Variants in GPC5 observed in about 807,000 individuals in gnomAD.
GPC5 encodes the protein glypican-5.
A neutral mutation model predicts 53.9 loss-of-function variants in GPC5; 47 were observed. The observed-to-expected ratio is 0.87, with a 90% CI of 0.69 to 1.11. GPC5 has a LOEUF of 1.11. Among genes scored for constraint, GPC5 ranks in the 50% most tolerant of loss-of-function variants. The pLI, the probability that GPC5 is intolerant of heterozygous loss-of-function variation, is 0.00. For missense variants in GPC5, 748 were observed against 713.1 expected, an observed-to-expected ratio of 1.05 and a Z score of -0.56; for synonymous variants, 286 against 263.3, an observed-to-expected ratio of 1.09 and a Z score of -0.84.
At chr13:91,943,249 A>G (rs1195289209) in intron 6 of GPC5, among the ~76,000 whole-genome samples, 2 of 152,180 alleles carry the variant, frequency 1.3e-5, no homozygotes, top group Non-Finnish European at 2.9e-5. Context: ...TTTGATTAAC[A>G]AAATGCCTCA....
At chr13:92,632,035 A>G (rs72641012) in intron 7 of GPC5, among the ~76,000 whole-genome samples, 3,661 of 152,324 alleles carry the variant, frequency 0.024, 72 homozygotes, top group Middle Eastern at 0.051. Context: ...GTTTGGAAAC[A>G]GTTCCCTCTA....
intron 7 of GPC5, among the ~76,000 whole-genome samples, chr13:92,296,778 G>C (rs2043038325): frequency 6.6e-6 from 1 of 152,218 alleles, no homozygotes; most frequent in African/African-American, 2.4e-5. Context: ...CAGCCCTGCT[G>C]GCCCCGGGCA....
At chr13:92,693,624 G>C (rs781017434) in intron 7 of GPC5, among the ~76,000 whole-genome samples, 1 of 152,142 alleles carries the variant, frequency 6.6e-6, no homozygotes, top group Non-Finnish European at 1.5e-5. Context: ...GTATTCAAGC[G>C]GTGACCTGGC....
At chr13:91,603,834 T>C (rs1365750562) in intron 2 of GPC5, among the ~76,000 whole-genome samples, 1 of 152,160 alleles carries the variant, frequency 6.6e-6, no homozygotes, top group Non-Finnish European at 1.5e-5. Flanking sequence ...TCTGTAAATA[T>C]CTTCATCTAT....
At chr13:91,857,747 A>G (rs1311130274) in intron 5 of GPC5, among the ~76,000 whole-genome samples, 1 of 151,312 alleles carries the variant, frequency 6.6e-6, no homozygotes, top group Admixed American at 6.6e-5. Context: ...ATGACATTTG[A>G]TGTATGATTA....
At chr13:91,415,441 A>G (rs1449775707) in intron 1 of GPC5, among the ~76,000 whole-genome samples, 1 of 151,690 alleles carries the variant, frequency 6.6e-6, no homozygotes, top group Admixed American at 6.6e-5. Context: ...ACCTTTCACA[A>G]CTCCCAACAA....
At chr13:92,092,386 C>T (rs907792044) in intron 6 of GPC5, among the ~76,000 whole-genome samples, 6 of 152,084 alleles carry the variant, frequency 3.9e-5, no homozygotes, top group African/African-American at 7.2e-5. Context: ...GCCTATACTT[C>T]GACTTATAAA....
chr13:92,330,713 C>A (rs1481858731), intron 7 of GPC5, among the ~76,000 whole-genome samples: 1 of 151,868 alleles, frequency 6.6e-6, no homozygotes, highest in Non-Finnish European at 1.5e-5. Flanking sequence ...GTCAATTTTC[C>A]CAGACAGGAC....
intron 7 of GPC5, among the ~76,000 whole-genome samples, chr13:92,759,034 A>G (rs954778390): frequency 1.6e-5 from 2 of 123,868 alleles, no homozygotes; most frequent in African/African-American, 3.1e-5. Flanking sequence ...CTGTCATGAA[A>G]TAATATTAGT....
intron 7 of GPC5, among the ~76,000 whole-genome samples, chr13:92,428,393 G>C (rs868104459): frequency 6.6e-6 from 1 of 152,056 alleles, no homozygotes; most frequent in African/African-American, 2.4e-5. Context: ...CAGGACCTTG[G>C]CCTTTTTATA....
At chr13:92,473,053 A>G (rs989330883) in intron 7 of GPC5, among the ~76,000 whole-genome samples, 2 of 152,110 alleles carry the variant, frequency 1.3e-5, no homozygotes, top group African/African-American at 4.8e-5. Context: ...ACAGATATTG[A>G]TCATATTTCT....
intron 6 of GPC5, among the ~76,000 whole-genome samples, chr13:92,012,724 G>A (rs1220997278): frequency 6.6e-6 from 1 of 152,162 alleles, no homozygotes; most frequent in Non-Finnish European, 1.5e-5. Flanking sequence ...CTTATCATAT[G>A]TTTCTACATA....
At chr13:92,257,546 ATTTTTTTT>A (rs398023955) in intron 7 of GPC5, among the ~76,000 whole-genome samples, 7 of 72,966 alleles carry the variant, frequency 9.6e-5, no homozygotes, top group South Asian at 1.1e-3. Flanking sequence ...TAATACAGGG[ATTTTTTTT>A]TTTTTTTTTT....
intron 6 of GPC5, chr13:91,995,647 A>C (rs75842907): frequency 3.4e-4 from 52 of 152,234 alleles, no homozygotes; most frequent in Non-Finnish European, 6.9e-4. Context: ...CTATTAGATA[A>C]TTTTTTTAGT....
At chr13:92,560,996 T>C (rs1366336817) in intron 7 of GPC5, among the ~76,000 whole-genome samples, 1 of 151,652 alleles carries the variant, frequency 6.6e-6, no homozygotes, top group Non-Finnish European at 1.5e-5. Flanking sequence ...ATTTCTGAAG[T>C]ACATTGAAAA....
At chr13:91,704,530 C>T (rs1292019737) in intron 3 of GPC5, among the ~76,000 whole-genome samples, 2 of 152,172 alleles carry the variant, frequency 1.3e-5, no homozygotes. Context: ...CCTTCCATGA[C>T]TTCTGAAGCC....
At chr13:91,541,965 A>T (rs929022705) in intron 2 of GPC5, among the ~76,000 whole-genome samples, 1 of 151,072 alleles carries the variant, frequency 6.6e-6, no homozygotes, top group African/African-American at 2.4e-5. Flanking sequence ...TTTAGTCAGG[A>T]ATAGGTGCTG....
intron 7 of GPC5, among the ~76,000 whole-genome samples, chr13:92,505,396 G>T (rs1279513761): frequency 6.6e-6 from 1 of 151,882 alleles, no homozygotes; most frequent in Non-Finnish European, 1.5e-5. Flanking sequence ...AAAAGTCAAT[G>T]AAAATCATGA....
chr13:91,488,998 A>ACT (rs1243843144), intron 2 of GPC5, among the ~76,000 whole-genome samples: 22 of 151,986 alleles, frequency 1.4e-4, no homozygotes, highest in Admixed American at 1.4e-3. Context: ...CTCCTGTAGC[A>ACT]CTCCCAGGCT....
Sources: gnomAD v4.1 joint callset for allele counts (sites outside exome capture counted in the v4.1 genomes callset) on GRCh38, gnomAD v4.1.1 for gene constraint, MANE v1.5 for transcripts, NCBI Gene and HGNC (gene_info 2026-07-23, HGNC 2026-07-21) for gene names.